Variants in CABLES2 observed in about 807,000 individuals in gnomAD.
The protein encoded by CABLES2 is CDK5 and ABL1 enzyme substrate 2.
Under a neutral mutation model 44.8 loss-of-function variants are expected in CABLES2, and 35 were observed. That is an observed-to-expected ratio of 0.78 (90% CI 0.60 to 1.04). The LOEUF (loss-of-function observed/expected upper bound fraction) is 1.04, where lower values mean the gene tolerates loss of function less well. Among genes scored for constraint, CABLES2 ranks in the 50% least tolerant of loss-of-function variants. CABLES2 has a pLI of 0.00. For missense variants in CABLES2, 566 were observed against 615.7 expected (o/e 0.92, Z 0.85); for synonymous variants, 282 against 281.1 (o/e 1.00, Z -0.03).
intron 1 of CABLES2, among the ~76,000 whole-genome samples, chr20:62,406,638 C>A (rs997636042): frequency 1.3e-5 from 2 of 151,296 alleles, no homozygotes; most frequent in Admixed American, 6.6e-5. Flanking sequence ...GTGTCCTGGG[C>A]TGATGAGGGC....
intron 1 of CABLES2, among the ~76,000 whole-genome samples, chr20:62,401,064 C>T (rs1307135298): frequency 6.6e-6 from 1 of 152,190 alleles, no homozygotes; most frequent in Non-Finnish European, 1.5e-5. Context: ...AGAGTGGGGA[C>T]CTGAGCCCAC....
At position 62,393,013 on chromosome 20, in the gene CABLES2, C is replaced by T; in HGVS notation, c.891G>A (p.Val297=). 1 of 1,613,770 alleles carries T rather than the reference C, an allele frequency of 6.2e-7. No individual in the cohort carries two copies. The stretch of plus-strand genomic sequence containing the variant: ...TGGGGTTGTACTCCAGGGTGTCCCC[C>T]ACGTCACTCCCTGTAAGAGAGGCAA... ...APASTELGSD[V]GDTLEYNPNL... is the part of the protein sequence containing the mutation. Residue 297 remains valine (V), a synonymous_variant, in exon 7 of 10, where the codon GTG becomes GTA. Transcript: ENST00000279101.
chr20:62,395,112 T>C, intron 3 of CABLES2, 98 bp from the exon 4 acceptor site: 3 of 1,008,644 alleles, frequency 3.0e-6, no homozygotes, highest in Admixed American at 4.0e-5. Flanking sequence ...AAATTCCTTC[T>C]GCCTAAATTC....
In CABLES2 at chr20:62,391,720, A is replaced by C. The variant is rs1987922889; in HGVS notation, c.1092-267T>G. Among the ~76,000 whole-genome samples the C allele has an allele frequency of 6.9e-6, 1 of 145,326 alleles. No individual in the cohort carries two copies. The highest frequency in any genetic ancestry group is 7.0e-5 in the Admixed American group (1 of 14,302). The stretch of plus-strand genomic sequence containing the variant: ...GCTCCCACCTGTGCCTGGTGGGTGG[A>C]GCCACAGAGGACAGGCTCTGCTCTC... On this transcript the variant is annotated intron_variant, in intron 8 of 9. Coordinates refer to ENST00000279101, the MANE Select transcript of CABLES2 (RefSeq NM_031215.3). The surrounding 1 kb of genome is among the most constrained non-coding windows in gnomAD (Gnocchi z 5.7).
rs1448524698 is a variant in CABLES2 at position 62,392,897 on chromosome 20, AGGCCCTGGGAGAG to A, written c.984+10_984+22del. The A allele has an allele frequency of 6.2e-7, 1 of 1,601,798 alleles. No individual in the cohort carries two copies. On this transcript the variant is annotated intron_variant, in intron 7 of 9. Coordinates refer to ENST00000279101, the MANE Select transcript of CABLES2 (RefSeq NM_031215.3). ...GACAGGTGTGCAGCTGCCTGCACCC[AGGCCCTGGGAGAG>A]GGCACTCACCATGTACGACGCAAAG...
At chr20:62,393,890 G>A (rs935664175) in intron 5 of CABLES2, among the ~76,000 whole-genome samples, 1 of 152,206 alleles carries the variant, frequency 6.6e-6, no homozygotes, top group Non-Finnish European at 1.5e-5. Context: ...GAGGGTTGGC[G>A]AGCCCCACCC....
chr20:62,394,871 G>GTCT, intron 4 of CABLES2, 66 bp downstream of exon 4: 1 of 1,477,890 alleles, frequency 6.8e-7, no homozygotes, highest in Non-Finnish European at 9.3e-7. Context: ...CCTGGGCCTG[G>GTCT]CCGAGACCAG....
chr20:62,398,452 A>T (rs1361797663), intron 1 of CABLES2, among the ~76,000 whole-genome samples: 1 of 152,032 alleles, frequency 6.6e-6, no homozygotes, highest in Non-Finnish European at 1.5e-5. Flanking sequence ...GGCATGGGGC[A>T]TTCTCAGCGT....
chr20:62,396,725 G>A lies in CABLES2; in HGVS notation c.363-133C>T. The A allele has an allele frequency of 1.1e-6, 1 of 873,630 alleles. No individual in the cohort carries two copies. 54.1% of individuals were successfully genotyped at this position (873,630 alleles called of 1,614,324 possible). A position where few individuals can be genotyped will look rare whatever the true frequency, so the allele number is the denominator to read the frequency against. ...CAGCGGCGCACCCATGGGCCGAGGG[G>A]CTTCCAGAGCCCATGCAGACTGAGG... On this transcript the variant is annotated intron_variant, in intron 1 of 9. Coordinates refer to ENST00000279101, the MANE Select transcript of CABLES2 (RefSeq NM_031215.3). The surrounding 1 kb of genome is among the most constrained non-coding windows in gnomAD (Gnocchi z 5.7).
intron 1 of CABLES2, chr20:62,405,657 C>T (rs1988269011): frequency 6.6e-6 from 1 of 152,332 alleles, no homozygotes; most frequent in Non-Finnish European, 1.5e-5. Flanking sequence ...CCCAATGCCT[C>T]CACCTGCCCG....
At chr20:62,395,213 TCA>T (rs1491538192) in intron 3 of CABLES2, among the ~76,000 whole-genome samples, 199 bp from the exon 4 acceptor site, 1 of 152,212 alleles carries the variant, frequency 6.6e-6, no homozygotes, top group Non-Finnish European at 1.5e-5. Context: ...CCGCAAGCTC[TCA>T]GAGTGGATTC....
rs202199654 is a variant in CABLES2, at chr20:62,393,431, G to A, written c.880+9C>T. On this transcript the variant is annotated intron_variant, in intron 6 of 9. Transcript: ENST00000279101. ...CTGTTCCAGGCCGTGGTTAAGGCAC[G>A]TGGGCTACCTAGTTCTGTGCTGGCT... 124 of 1,582,998 alleles carry A rather than the reference G, an allele frequency of 7.8e-5. No individual in the cohort carries two copies. Among genetic ancestry groups the A allele is most frequent in the Non-Finnish European group, 9.5e-5 (111 of 1,163,002 alleles).
intron 1 of CABLES2, chr20:62,402,150 C>G (rs942250292): frequency 1.3e-5 from 2 of 152,364 alleles, no homozygotes; most frequent in African/African-American, 4.8e-5. Context: ...GTCTGCCCCC[C>G]CAGTCTGCTG....
chr20:62,403,199 G>A (rs143053842), intron 1 of CABLES2: 3 of 152,366 alleles, frequency 2.0e-5, no homozygotes, highest in East Asian at 1.9e-4. Context: ...CACTCACCAA[G>A]GGCTGTTGTA....
intron 1 of CABLES2, chr20:62,403,540 G>A (rs1444325852): frequency 2.0e-5 from 3 of 152,332 alleles, no homozygotes; most frequent in Non-Finnish European, 4.4e-5. Flanking sequence ...GAGGGAGCGT[G>A]GGTCTGTCCA....
intron 8 of CABLES2, 81 bp downstream of exon 8, chr20:62,392,308 G>C: frequency 1.9e-6 from 2 of 1,037,356 alleles, no homozygotes; most frequent in South Asian, 1.3e-5. Flanking sequence ...TGTCAAGCTG[G>C]AGAGAATCTA....
At position 62,397,884 on chromosome 20, in the gene CABLES2, G is replaced by A. The variant is rs1301776690; in HGVS notation, c.363-1292C>T. Among the ~76,000 whole-genome samples the A allele has an allele frequency of 4.0e-5, 6 of 151,426 alleles. No homozygotes were observed. In the East Asian group the frequency reaches 1.2e-3, roughly 29 times the overall value. ...GGCCCCCAGAAGGGAGCAGTTGGTG[G>A]TGGTGATGGCGGTGGTGGTGATGGT... is the stretch of plus-strand genomic sequence containing the variant. On this transcript the variant is annotated intron_variant, in intron 1 of 9. Transcript: ENST00000279101.
chr20:62,400,472 G>GC (rs1011957240), intron 1 of CABLES2, among the ~76,000 whole-genome samples: 5 of 152,314 alleles, frequency 3.3e-5, no homozygotes, highest in African/African-American at 1.2e-4. Flanking sequence ...GATGGGCAGG[G>GC]CCCACACTGG....
rs1018801968 is a variant in CABLES2 at position 62,388,858 on chromosome 20, A to C, written c.*2113T>G. 2.1e-5 allele frequency: 5 copies of C among 235,678 alleles called. No homozygotes were observed. The Admixed American group carries it at 2.6e-4, about 12-fold the overall frequency. The allele number at this position is 235,678 out of a possible 1,614,324, so 14.6% of individuals were successfully genotyped here. On this transcript the variant is annotated 3_prime_UTR_variant, in exon 10 of 10. Transcript: ENST00000279101. ...GTGTTCTAGAGAATGACAGGCTGAG[A>C]CTGTAGTTTGGTTTAACTACTGGCT...
Sources: gnomAD v4.1 joint callset for allele counts (sites outside exome capture counted in the v4.1 genomes callset) on GRCh38, gnomAD v4.1.1 for gene constraint, Gnocchi (gnomAD v3.1) non-coding constraint, MANE v1.5 for transcripts, NCBI Gene and HGNC (gene_info 2026-07-23, HGNC 2026-07-21) for gene names.